The following C2CD3 variants were observed in gnomAD, a reference collection of about 807,000 sequenced individuals.
C2CD3 encodes the protein C2 domain containing 3 centriole elongation regulator.
A neutral mutation model predicts 234.0 loss-of-function variants in C2CD3; 148 were observed. The ratio of observed to expected loss-of-function variants is 0.63; its 90% CI spans 0.55 to 0.72. C2CD3 has a LOEUF of 0.72. C2CD3 is among the 30% of genes least tolerant of loss of function. The pLI, the probability that C2CD3 is intolerant of heterozygous loss-of-function variation, is 0.00. For missense variants in C2CD3, 2,577 were observed against 2,811.5 expected (o/e 0.92, Z 1.89); for synonymous variants, 1,000 against 1,035.4 (o/e 0.97, Z 0.66).
intron 24 of C2CD3, among the ~76,000 whole-genome samples, chr11:74,070,162 T>C (rs1276873069): frequency 1.3e-5 from 2 of 152,368 alleles, no homozygotes; most frequent in East Asian, 3.9e-4. Flanking sequence ...TTTTGTCTAA[T>C]ATAAGTATAC....
intron 4 of C2CD3, 41 bp downstream of exon 4, chr11:74,139,564 A>C: frequency 7.8e-7 from 1 of 1,284,314 alleles, no homozygotes; most frequent in Non-Finnish European, 1.1e-6. Flanking sequence ...ACTACAGTGC[A>C]GTTAACTGAC....
At chr11:74,086,459 T>C (rs114203038) in intron 20 of C2CD3, among the ~76,000 whole-genome samples, 1,799 of 152,328 alleles carry the variant, frequency 0.012, 34 homozygotes, top group African/African-American at 0.041. Context: ...GCTGTTTCTA[T>C]GGTTTGCATA....
At chr11:74,127,101 A>G (rs1957438253) in intron 7 of C2CD3, among the ~76,000 whole-genome samples, 3 of 152,192 alleles carry the variant, frequency 2.0e-5, no homozygotes, top group Admixed American at 2.0e-4. Flanking sequence ...TCAACCTCCC[A>G]GTCTCAACTG....
intron 18 of C2CD3, 25 bp from the exon 19 acceptor site, chr11:74,092,613 G>T (rs1032748847): frequency 1.9e-6 from 3 of 1,593,862 alleles, no homozygotes; most frequent in Middle Eastern, 1.7e-4. Context: ...AGCACACGTT[G>T]TCAGAAGAAT....
chr11:74,085,526 A>T, intron 21 of C2CD3, 92 bp downstream of exon 21: 1 of 1,300,120 alleles, frequency 7.7e-7, no homozygotes, highest in Non-Finnish European at 1.1e-6. Flanking sequence ...CCTCACCTTT[A>T]AATACTGCAG....
chr11:74,114,990 C>T (rs552410747), intron 9 of C2CD3, among the ~76,000 whole-genome samples: 5 of 151,954 alleles, frequency 3.3e-5, no homozygotes, highest in Non-Finnish European at 7.4e-5. Flanking sequence ...GTGTGAACAA[C>T]CACACCCAGC....
intron 13 of C2CD3, among the ~76,000 whole-genome samples, chr11:74,105,270 T>C (rs1347857536): frequency 6.6e-6 from 1 of 152,032 alleles, no homozygotes; most frequent in Non-Finnish European, 1.5e-5. Context: ...ATGGCTGTGA[T>C]GATTTTTTTT....
At chr11:74,047,556 A>G (rs1953444357) in intron 28 of C2CD3, among the ~76,000 whole-genome samples, 1 of 152,226 alleles carries the variant, frequency 6.6e-6, no homozygotes, top group Admixed American at 6.5e-5. Context: ...GGGCCTTAGA[A>G]TGTTACATGA....
At chr11:74,034,468 A>G (rs1001647835) in intron 30 of C2CD3, 190 bp from the exon 31 acceptor site, 18 of 1,559,664 alleles carry the variant, frequency 1.2e-5, no homozygotes, top group Non-Finnish European at 1.6e-5. Flanking sequence ...TTATTCTAAT[A>G]TCAGAGGACC....
chr11:74,024,943 A>G (rs1278481606), intron 32 of C2CD3, among the ~76,000 whole-genome samples: 1 of 152,192 alleles, frequency 6.6e-6, no homozygotes, highest in Non-Finnish European at 1.5e-5. Context: ...CATCCGAACC[A>G]GGACCCAGAA....
intron 15 of C2CD3, 75 bp downstream of exon 15, chr11:74,100,450 A>G (rs1956270373): frequency 7.2e-7 from 1 of 1,389,032 alleles, no homozygotes; most frequent in Non-Finnish European, 9.8e-7. Context: ...ATGTTTGCAA[A>G]TCAAAAGAAT....
intron 3 of C2CD3, among the ~76,000 whole-genome samples, chr11:74,148,848 C>A (rs375310000): frequency 5.9e-5 from 9 of 152,142 alleles, no homozygotes; most frequent in African/African-American, 2.2e-4. Context: ...TCAATACTGT[C>A]CTTGGGGACA....
intron 24 of C2CD3, among the ~76,000 whole-genome samples, chr11:74,063,994 C>T (rs1359457087): frequency 1.3e-5 from 2 of 152,006 alleles, no homozygotes; most frequent in East Asian, 1.9e-4. Context: ...TGGTGTGCTG[C>T]ACCCATTAAC....
At chr11:74,145,210 C>T (rs2135550546) in intron 3 of C2CD3, among the ~76,000 whole-genome samples, 1 of 152,294 alleles carries the variant, frequency 6.6e-6, no homozygotes, top group Admixed American at 6.5e-5. Context: ...TCGCTTTTCT[C>T]TGCAATCTTG....
Position 74,074,074 on chromosome 11 carries a change from A to C in C2CD3, c.4951+179T>G, listed in dbSNP as rs6592545. ...GAGACTCAGGTGGCTGGACTGGGGA[A>C]TTTACGATATGCAACAAGTTCAGAA... On this transcript the variant is annotated intron_variant, in intron 24 of 32. Coordinates refer to ENST00000334126, the MANE Select transcript of C2CD3 (RefSeq NM_001286577.2). 0.47 allele frequency among the ~76,000 whole-genome samples: 70,789 copies of C among 152,064 alleles called. 16,538 individuals are homozygous for C. The highest frequency in any genetic ancestry group is 0.48 in the Non-Finnish European group (32,307 of 67,984).
intron 23 of C2CD3, among the ~76,000 whole-genome samples, chr11:74,076,154 T>C (rs826064): frequency 0.017 from 2,581 of 152,290 alleles, 76 homozygotes; most frequent in African/African-American, 0.059. Flanking sequence ...GTAGTCCCTT[T>C]GAAGGGACTC....
At chr11:74,155,779 T>C (rs1354455808) in intron 3 of C2CD3, among the ~76,000 whole-genome samples, 1 of 152,086 alleles carries the variant, frequency 6.6e-6, no homozygotes, top group Non-Finnish European at 1.5e-5. Flanking sequence ...GTGTTTCTTT[T>C]TGGGGTGAAA....
chr11:74,058,531 T>C lies in C2CD3; in HGVS notation c.4952-987A>G, dbSNP rs535504104. ...ACTGGGTACTGAGAAATTAAATTAGTTGGTCACATATTTATTAAATGGTAG... is the reference window on the plus strand; with the variant it reads ...ACTGGGTACTGAGAAATTAAATTAGCTGGTCACATATTTATTAAATGGTAG... On this transcript the variant is annotated intron_variant, in intron 24 of 32. Transcript: ENST00000334126. Among the ~76,000 whole-genome samples, 5 of 152,296 alleles carry C rather than the reference T, an allele frequency of 3.3e-5. No individual in the cohort carries two copies. In the East Asian group the frequency reaches 9.6e-4, roughly 29 times the overall value.
At position 74,037,474 on chromosome 11, in the gene C2CD3, A is replaced by G. The variant is rs1484596560; in HGVS notation, c.5881+4T>C. 3 of 1,607,862 alleles carry G rather than the reference A, an allele frequency of 1.9e-6. No individual in the cohort carries two copies. The Admixed American group carries it at 5.0e-5, about 27-fold the overall frequency. On this transcript the variant is annotated splice_donor_region_variant and intron_variant, in intron 30 of 32. Transcript: ENST00000334126. The stretch of plus-strand genomic sequence containing the variant: ...ATCTCAACAAGAAAGGATCTGAGTC[A>G]TACCTGTGATTAAGGAGCTGACTTG...
Sources: allele counts gnomAD v4.1 joint callset (sites outside exome capture counted in the v4.1 genomes callset), GRCh38; gene constraint gnomAD v4.1.1; transcripts MANE v1.5; gene names NCBI Gene and HGNC (gene_info 2026-07-23, HGNC 2026-07-21).